The following GPR143 variants were observed in gnomAD, a reference collection of about 807,000 sequenced individuals.
The protein encoded by GPR143 is G protein-coupled receptor 143, also known as G-protein coupled receptor 143.
In GPR143, 8 loss-of-function variants were observed where a neutral mutation model predicts 27.6. The observed-to-expected ratio is 0.29, with a 90% CI of 0.17 to 0.52. GPR143 has a LOEUF of 0.52. Ranked by LOEUF, GPR143 falls within the 20% of genes least tolerant of loss-of-function variation. GPR143 has a pLI of 0.96. For missense variants in GPR143, 303 were observed against 343.1 expected (o/e 0.88, Z 0.92); for synonymous variants, 156 against 153.2 (o/e 1.02, Z -0.13).
intron 1 of GPR143, among the ~76,000 whole-genome samples, chrX:9,775,532 T>G (rs1196130267): frequency 8.9e-6 from 1 of 111,952 alleles, no homozygotes; most frequent in Non-Finnish European, 1.9e-5. Flanking sequence ...TATCCCTTCT[T>G]AATGCATGAG....
chrX:9,757,579 C>G (rs759255948), intron 3 of GPR143, among the ~76,000 whole-genome samples: 1 of 111,005 alleles, frequency 9.0e-6, no homozygotes, highest in South Asian at 3.9e-4. Flanking sequence ...TAAGTGGTTG[C>G]TGGGGGCTGT....
intron 8 of GPR143, among the ~76,000 whole-genome samples, chrX:9,733,572 G>A: frequency 9.0e-6 from 1 of 111,674 alleles, no homozygotes; most frequent in African/African-American, 3.3e-5. Flanking sequence ...ACAAGGAATT[G>A]TGGGAAAGAT....
At chrX:9,735,253 C>T (rs1854007916) in intron 8 of GPR143, among the ~76,000 whole-genome samples, 1 of 111,967 alleles carries the variant, frequency 8.9e-6, no homozygotes, top group Non-Finnish European at 1.9e-5. Context: ...ACTGGCCTTT[C>T]GCTGGCCACC....
intron 1 of GPR143, 140 bp from the exon 2 acceptor site, chrX:9,760,966 G>A: frequency 4.6e-6 from 2 of 436,905 alleles, no homozygotes; most frequent in Non-Finnish European, 4.1e-6. Flanking sequence ...AAGGAGGGAG[G>A]GAGAGAGGGA....
At chrX:9,765,419 G>T in intron 1 of GPR143, 149 bp downstream of exon 1, 2 of 555,978 alleles carry the variant, frequency 3.6e-6, no homozygotes, top group Non-Finnish European at 4.9e-6. Flanking sequence ...CAACCCGCGG[G>T]CCTCTCGTCC....
chrX:9,775,555 G>A lies in GPR143; in HGVS notation c.-3+10687C>T, dbSNP rs951931554. Among the ~76,000 whole-genome samples the A allele has an allele frequency of 1.7e-4, 19 of 111,985 alleles. No individual in the cohort carries two copies. In the Admixed American group the frequency reaches 1.8e-3, roughly 11 times the overall value. On this transcript the variant is annotated intron_variant, in intron 1 of 7. Transcript: ENST00000447366. ...CTTAATGCATGAGGCACCAGCAGAG[G>A]GGAAGGAACTCGTCTAAGATCACAC...
chrX:9,770,323 A>AGAGAGAGAGAGAGAGAGAGAG (rs2083549800), upstream of GPR143, among the ~76,000 whole-genome samples: 22 of 88,999 alleles, frequency 2.5e-4, no homozygotes, highest in African/African-American at 1.0e-3. Flanking sequence ...AAGAAAGAAA[A>AGAGAGAGAGAGAGAGAGAGAG]AGAGAGAGAG....
At chrX:9,758,464 A>G (rs779095037) in intron 3 of GPR143, among the ~76,000 whole-genome samples, 2 of 111,858 alleles carry the variant, frequency 1.8e-5, no homozygotes, top group African/African-American at 6.5e-5. Flanking sequence ...CATCAGTTCA[A>G]ACACACCAGT....
intron 8 of GPR143, among the ~76,000 whole-genome samples, chrX:9,736,438 C>T (rs1219633674): frequency 1.8e-5 from 2 of 111,170 alleles, no homozygotes; most frequent in African/African-American, 6.6e-5. Context: ...CTAACCACCA[C>T]CTCAGTAGCA....
intron 7 of GPR143, among the ~76,000 whole-genome samples, 163 bp from the exon 8 acceptor site, chrX:9,739,882 T>C (rs2083395335): frequency 9.0e-6 from 1 of 111,484 alleles, no homozygotes; most frequent in South Asian, 3.8e-4. Context: ...GGTTGGTGGG[T>C]TGGTTTGGGG....
In GPR143 at chrX:9,725,567, T is replaced by G; in HGVS notation, c.*179A>C. The G allele has an allele frequency of 2.3e-6, 1 of 438,847 alleles. No homozygotes were observed. The highest frequency in any genetic ancestry group is 2.4e-5 in the African/African-American group (1 of 41,154). 36.2% of individuals were successfully genotyped at this position (438,847 alleles called of 1,213,427 possible). Reference sequence around the variant, plus strand: ...TCTTCCATTCTCACACGTGTGTGCATGAACCCTTTCTCCTATCCTAAAGGC... The same window carrying G: ...TCTTCCATTCTCACACGTGTGTGCAGGAACCCTTTCTCCTATCCTAAAGGC... On this transcript the variant is annotated 3_prime_UTR_variant, in exon 9 of 9. Coordinates refer to ENST00000467482, the MANE Select transcript of GPR143 (RefSeq NM_000273.3).
intron 1 of GPR143, among the ~76,000 whole-genome samples, chrX:9,773,044 G>A (rs906077736): frequency 1.8e-5 from 2 of 110,746 alleles, no homozygotes; most frequent in African/African-American, 3.3e-5. Context: ...AAATGGACGA[G>A]TACAGACTAT....
chrX:9,747,478 C>T (rs941029827), intron 4 of GPR143, among the ~76,000 whole-genome samples: 5 of 111,142 alleles, frequency 4.5e-5, no homozygotes, highest in African/African-American at 1.3e-4. Context: ...AACTCCCTTT[C>T]CAACTAAGTG....
intron 7 of GPR143, among the ~76,000 whole-genome samples, chrX:9,740,358 T>A (rs1187306781): frequency 8.9e-6 from 1 of 112,535 alleles, no homozygotes; most frequent in African/African-American, 3.2e-5. Context: ...TGAAAGTCTT[T>A]GTAAATGAGA....
At chrX:9,751,864 A>G (rs1299467716) in intron 3 of GPR143, among the ~76,000 whole-genome samples, 1 of 112,881 alleles carries the variant, frequency 8.9e-6, no homozygotes, top group Non-Finnish European at 1.9e-5. Flanking sequence ...TTGAGCAAAG[A>G]TCATGCCTGT....
intron 1 of GPR143, among the ~76,000 whole-genome samples, chrX:9,772,813 C>CAAAAAAAAAAAAAAAAAAAAA (rs57110568): frequency 2.0e-5 from 1 of 49,815 alleles, no homozygotes; most frequent in Non-Finnish European, 3.5e-5. Flanking sequence ...GATCCTGTCT[C>CAAAAAAAAAAAAAAAAAAAAA]AAAAAAAAAA....
At chrX:9,757,894 T>G (rs1441124835) in intron 3 of GPR143, among the ~76,000 whole-genome samples, 1 of 110,559 alleles carries the variant, frequency 9.0e-6, no homozygotes, top group African/African-American at 3.3e-5. Context: ...CCCGAGTAGC[T>G]GGGACCACCG....
intron 1 of GPR143, among the ~76,000 whole-genome samples, chrX:9,776,199 C>G (rs928725578): frequency 8.9e-6 from 1 of 112,024 alleles, no homozygotes; most frequent in Non-Finnish European, 1.9e-5. Context: ...CACTAGAACG[C>G]ACGTCAGGAT....
At chrX:9,736,239 G>A in intron 8 of GPR143, among the ~76,000 whole-genome samples, 1 of 111,724 alleles carries the variant, frequency 9.0e-6, no homozygotes, top group Non-Finnish European at 1.9e-5. Context: ...CCAAAAGTCC[G>A]ATGTGGAAAT....
Sources: allele counts gnomAD v4.1 joint callset (sites outside exome capture counted in the v4.1 genomes callset), GRCh38; gene constraint gnomAD v4.1.1; transcripts MANE v1.5; gene names NCBI Gene and HGNC (gene_info 2026-07-23, HGNC 2026-07-21).